The following SLC9A9 variants were observed in gnomAD, a reference collection of about 807,000 sequenced individuals.
The protein encoded by SLC9A9 is solute carrier family 9 member A9.
In SLC9A9, 62 loss-of-function variants were observed where a neutral mutation model predicts 77.8. The ratio of observed to expected loss-of-function variants is 0.80; its 90% CI spans 0.65 to 0.98. The LOEUF is 0.98. Among genes scored for constraint, SLC9A9 ranks in the 50% least tolerant of loss-of-function variants. SLC9A9 has a pLI of 0.00. For synonymous variants in SLC9A9, 320 were observed against 283.5 expected (o/e 1.13, Z -1.29); for missense variants, 775 against 774.9 (o/e 1.00, Z 0.00).
chr3:143,733,025 C>G (rs1934847945), intron 4 of SLC9A9, among the ~76,000 whole-genome samples: 1 of 152,086 alleles, frequency 6.6e-6, no homozygotes, highest in Non-Finnish European at 1.5e-5. Context: ...TTCTTATTCT[C>G]TACATGAACT....
chr3:143,415,794 A>T (rs1217144559), intron 12 of SLC9A9, among the ~76,000 whole-genome samples: 1 of 152,222 alleles, frequency 6.6e-6, no homozygotes, highest in African/African-American at 2.4e-5. Context: ...GCTGCCATAG[A>T]TAGTGATTCC....
chr3:143,486,288 T>C (rs1469818367), intron 11 of SLC9A9, among the ~76,000 whole-genome samples: 1 of 152,154 alleles, frequency 6.6e-6, no homozygotes, highest in Non-Finnish European at 1.5e-5. Context: ...ATTGAACCTA[T>C]CCTTTAAGAA....
intron 4 of SLC9A9, among the ~76,000 whole-genome samples, chr3:143,747,720 C>A (rs58921238): frequency 6.6e-6 from 1 of 152,148 alleles, no homozygotes; most frequent in Non-Finnish European, 1.5e-5. Context: ...AAAAAAGAAG[C>A]CCTGCTGATA....
chr3:143,788,107 G>C (rs1013974605), intron 4 of SLC9A9, among the ~76,000 whole-genome samples: 2 of 151,990 alleles, frequency 1.3e-5, no homozygotes, highest in African/African-American at 4.8e-5. Context: ...AGAAGAGGTG[G>C]TGTAGATCCG....
At chr3:143,787,449 C>A (rs929025198) in intron 4 of SLC9A9, among the ~76,000 whole-genome samples, 58 of 152,226 alleles carry the variant, frequency 3.8e-4, no homozygotes, top group Admixed American at 1.7e-3. Context: ...CTGCTTACTA[C>A]ATACATGCAT....
intron 9 of SLC9A9, among the ~76,000 whole-genome samples, chr3:143,523,881 G>C (rs575466552): frequency 6.6e-6 from 1 of 151,942 alleles, no homozygotes; most frequent in Non-Finnish European, 1.5e-5. Flanking sequence ...TTTTAATTCC[G>C]CCATATAAGC....
chr3:143,528,853 G>A (rs1452037167), intron 9 of SLC9A9, among the ~76,000 whole-genome samples: 1 of 151,856 alleles, frequency 6.6e-6, no homozygotes, highest in African/African-American at 2.4e-5. Flanking sequence ...TGTGTGCCAG[G>A]CATCAGACTA....
At chr3:143,801,491 C>T (rs1477722673) in intron 2 of SLC9A9, among the ~76,000 whole-genome samples, 1 of 152,176 alleles carries the variant, frequency 6.6e-6, no homozygotes, top group Non-Finnish European at 1.5e-5. Flanking sequence ...CCCACCATTA[C>T]CATTGTTCCT....
At chr3:143,578,937 G>A (rs1156968702) in intron 6 of SLC9A9, among the ~76,000 whole-genome samples, 2 of 152,110 alleles carry the variant, frequency 1.3e-5, no homozygotes, top group Non-Finnish European at 2.9e-5. Context: ...ATATATTGCT[G>A]CCAGTCAGTA....
intron 9 of SLC9A9, among the ~76,000 whole-genome samples, chr3:143,535,587 T>C (rs112331207): frequency 0.021 from 3,196 of 152,310 alleles, 41 homozygotes; most frequent in Middle Eastern, 0.054. Context: ...CTTATGGTGA[T>C]AAGAGATTTT....
chr3:143,592,609 T>A (rs1286296341), intron 6 of SLC9A9, among the ~76,000 whole-genome samples: 2 of 152,206 alleles, frequency 1.3e-5, no homozygotes, highest in African/African-American at 4.8e-5. Flanking sequence ...TTGAGAGTTG[T>A]GTTTACATGG....
intron 4 of SLC9A9, among the ~76,000 whole-genome samples, chr3:143,763,770 C>T (rs1576710083): frequency 6.6e-6 from 1 of 151,330 alleles, no homozygotes; most frequent in Middle Eastern, 3.4e-3. Flanking sequence ...GGCTCAGGAT[C>T]TCCATCTAGT....
intron 14 of SLC9A9, among the ~76,000 whole-genome samples, chr3:143,316,988 A>C (rs1269411643): frequency 1.3e-5 from 2 of 152,150 alleles, no homozygotes; most frequent in Non-Finnish European, 2.9e-5. Flanking sequence ...CTAGGGTTGC[A>C]GTGAGGATTA....
intron 5 of SLC9A9, among the ~76,000 whole-genome samples, chr3:143,688,772 A>C (rs969023904): frequency 1.3e-5 from 2 of 152,032 alleles, no homozygotes; most frequent in African/African-American, 2.4e-5. Flanking sequence ...ATGTTCTTTC[A>C]ATCAACCTCT....
chr3:143,303,372 TC>T (rs2030620948), intron 14 of SLC9A9, among the ~76,000 whole-genome samples: 1 of 146,788 alleles, frequency 6.8e-6, no homozygotes, highest in Non-Finnish European at 1.5e-5. Context: ...CTTTTTCTTT[TC>T]TTTTTTTTTT....
chr3:143,778,038 A>AAAAAAAAAAG (rs1491364323), intron 4 of SLC9A9, among the ~76,000 whole-genome samples: 1 of 33,230 alleles, frequency 3.0e-5, no homozygotes, highest in Non-Finnish European at 6.1e-5. Context: ...TATAAAATGC[A>AAAAAAAAAAG]AAAAAAAAAA....
intron 12 of SLC9A9, among the ~76,000 whole-genome samples, chr3:143,403,243 A>T (rs1201313407): frequency 1.3e-5 from 2 of 152,014 alleles, no homozygotes; most frequent in Non-Finnish European, 2.9e-5. Flanking sequence ...CTTCCTGTGG[A>T]TTTGAGTTAC....
chr3:143,450,254 G>A (rs542755503), intron 12 of SLC9A9, among the ~76,000 whole-genome samples: 90 of 141,008 alleles, frequency 6.4e-4, no homozygotes, highest in African/African-American at 2.3e-3. Flanking sequence ...TTTATATATT[G>A]TAACATAAAA....
At chr3:143,641,368 T>G (rs2038617946) in intron 6 of SLC9A9, among the ~76,000 whole-genome samples, 1 of 151,100 alleles carries the variant, frequency 6.6e-6, no homozygotes. Flanking sequence ...TTAAAAAGAA[T>G]TATCTGTTGT....
Sources: gnomAD v4.1 joint callset for allele counts (sites outside exome capture counted in the v4.1 genomes callset) on GRCh38, gnomAD v4.1.1 for gene constraint, MANE v1.5 for transcripts, NCBI Gene and HGNC (gene_info 2026-07-23, HGNC 2026-07-21) for gene names.